Variants in CPQ observed in about 807,000 individuals in gnomAD.
CPQ encodes Ser-Met dipeptidase.
A neutral mutation model predicts 45.7 loss-of-function variants in CPQ; 37 were observed. That is an observed-to-expected ratio of 0.81 (90% CI 0.62 to 1.07). The LOEUF (loss-of-function observed/expected upper bound fraction) is 1.07, where lower values mean the gene tolerates loss of function less well. CPQ is among the 50% of genes least tolerant of loss of function. CPQ has a pLI of 0.00. For missense variants in CPQ, 537 were observed against 572.9 expected, an observed-to-expected ratio of 0.94 and a Z score of 0.64; for synonymous variants, 186 against 205.8, an observed-to-expected ratio of 0.90 and a Z score of 0.82.
In CPQ at chr8:96,930,868, C is replaced by T. The variant is rs369093796; in HGVS notation, c.850-35067C>T. Among the ~76,000 whole-genome samples the T allele has an allele frequency of 2.6e-5, 4 of 152,308 alleles. No individual in the cohort carries two copies. In the East Asian group the frequency reaches 7.7e-4, roughly 29 times the overall value. On this transcript the variant is annotated intron_variant, in intron 4 of 7. Coordinates refer to ENST00000220763, the MANE Select transcript of CPQ (RefSeq NM_016134.4). ...TGCCATGAGAAGGAAGATGTTTTTC[C>T]CACAGAGAGACATTTATGGGGCAAA...
At chr8:97,128,594 A>G (rs1415812051) in intron 7 of CPQ, among the ~76,000 whole-genome samples, 1 of 152,150 alleles carries the variant, frequency 6.6e-6, no homozygotes, top group East Asian at 1.9e-4. Context: ...CTGAGGCAGG[A>G]GAATCGCTTG....
intron 7 of CPQ, among the ~76,000 whole-genome samples, chr8:97,097,252 T>C (rs1811224188): frequency 1.3e-5 from 2 of 152,162 alleles, no homozygotes. Flanking sequence ...CTAATGATAA[T>C]AGACAACCTG....
chr8:96,976,029 A>C (rs1046144174), intron 5 of CPQ, among the ~76,000 whole-genome samples: 1 of 152,006 alleles, frequency 6.6e-6, no homozygotes, highest in African/African-American at 2.4e-5. Context: ...CATCCCAATC[A>C]GTAAAGAGGA....
intron 7 of CPQ, among the ~76,000 whole-genome samples, chr8:97,127,055 T>C (rs1811859845): frequency 6.6e-6 from 1 of 152,174 alleles, no homozygotes; most frequent in Admixed American, 6.5e-5. Flanking sequence ...AATCTTAAAC[T>C]ATGATAATTA....
chr8:96,829,110 G>T (rs927834065), intron 2 of CPQ, among the ~76,000 whole-genome samples: 1 of 152,098 alleles, frequency 6.6e-6, no homozygotes, highest in African/African-American at 2.4e-5. Flanking sequence ...AGAAGTCAAA[G>T]TAGACAGGAT....
intron 1 of CPQ, among the ~76,000 whole-genome samples, chr8:96,648,621 T>C (rs1563691438): frequency 6.6e-6 from 1 of 152,116 alleles, no homozygotes; most frequent in African/African-American, 2.4e-5. Flanking sequence ...AGAACAAATC[T>C]AAATAGGAGA....
chr8:96,792,605 G>A (rs887578766), intron 2 of CPQ, among the ~76,000 whole-genome samples: 2 of 152,052 alleles, frequency 1.3e-5, no homozygotes, highest in African/African-American at 4.8e-5. Flanking sequence ...TAGTTAGGGG[G>A]CTCCTGGCGG....
At chr8:96,986,721 G>T (rs1808989963) in intron 5 of CPQ, among the ~76,000 whole-genome samples, 1 of 152,162 alleles carries the variant, frequency 6.6e-6, no homozygotes, top group East Asian at 1.9e-4. Context: ...TATGTAGTTA[G>T]AGAGAGAGCA....
intron 4 of CPQ, among the ~76,000 whole-genome samples, chr8:96,894,125 A>G (rs887224113): frequency 6.6e-5 from 10 of 152,220 alleles, no homozygotes; most frequent in Non-Finnish European, 1.3e-4. Context: ...GCTATTAACC[A>G]GTACAAACTA....
chr8:96,697,932 A>G (rs1186966658), intron 1 of CPQ, among the ~76,000 whole-genome samples: 1 of 152,152 alleles, frequency 6.6e-6, no homozygotes, highest in African/African-American at 2.4e-5. Flanking sequence ...TACTGTCCAA[A>G]GCAATCTGCA....
intron 3 of CPQ, among the ~76,000 whole-genome samples, chr8:96,864,401 A>G (rs1467934814): frequency 2.0e-5 from 3 of 151,996 alleles, no homozygotes; most frequent in Admixed American, 6.6e-5. Context: ...CTTCACCCCA[A>G]CAGGAGAGAA....
intron 4 of CPQ, among the ~76,000 whole-genome samples, chr8:96,888,126 A>C (rs1812327521): frequency 6.6e-6 from 1 of 152,204 alleles, no homozygotes; most frequent in African/African-American, 2.4e-5. Context: ...CTTGGCCACT[A>C]ACCACTAATG....
chr8:96,955,035 G>A (rs925669155), intron 4 of CPQ, among the ~76,000 whole-genome samples: 10 of 152,188 alleles, frequency 6.6e-5, no homozygotes, highest in African/African-American at 2.4e-4. Flanking sequence ...CTTTGATATT[G>A]TGAATAGTGC....
intron 2 of CPQ, among the ~76,000 whole-genome samples, chr8:96,816,311 A>G (rs116049970): frequency 0.022 from 3,376 of 151,766 alleles, 138 homozygotes; most frequent in African/African-American, 0.077. Context: ...ATAAAAAGCA[A>G]CTCCTCATCT....
intron 1 of CPQ, among the ~76,000 whole-genome samples, chr8:96,727,239 A>G (rs1388901926): frequency 6.6e-6 from 1 of 152,180 alleles, no homozygotes; most frequent in African/African-American, 2.4e-5. Context: ...AATGGAAGCA[A>G]CAGCATTTTT....
intron 7 of CPQ, among the ~76,000 whole-genome samples, chr8:97,120,341 T>C (rs1466866328): frequency 2.0e-5 from 3 of 151,622 alleles, no homozygotes; most frequent in Non-Finnish European, 4.4e-5. Flanking sequence ...TATAAAATGA[T>C]TCTTCATTTT....
intron 7 of CPQ, among the ~76,000 whole-genome samples, chr8:97,115,914 T>TG (rs1811581487): frequency 6.6e-6 from 1 of 152,146 alleles, no homozygotes; most frequent in South Asian, 2.1e-4. Context: ...AAATTCCAAG[T>TG]GGAAAACAAG....
At chr8:96,865,197 G>A (rs1811982100) in intron 3 of CPQ, among the ~76,000 whole-genome samples, 1 of 151,934 alleles carries the variant, frequency 6.6e-6, no homozygotes, top group Admixed American at 6.6e-5. Context: ...TGGCTCATAT[G>A]GTAACTCTGC....
intron 1 of CPQ, among the ~76,000 whole-genome samples, chr8:96,685,261 A>G (rs1255273876): frequency 6.6e-6 from 1 of 151,988 alleles, no homozygotes; most frequent in East Asian, 1.9e-4. Flanking sequence ...AAATTTATCA[A>G]TTTTAATGGG....
Sources: gnomAD v4.1 joint callset for allele counts (sites outside exome capture counted in the v4.1 genomes callset) on GRCh38, gnomAD v4.1.1 for gene constraint, MANE v1.5 for transcripts, NCBI Gene and HGNC (gene_info 2026-07-23, HGNC 2026-07-21) for gene names.